The following ZNF469 variants were observed in gnomAD, a reference collection of about 807,000 sequenced individuals.
ZNF469 encodes zinc finger protein 469.
Under a neutral mutation model 1.0 loss-of-function variants are expected in ZNF469, and 1 was observed. The ratio of observed to expected loss-of-function variants is 1.00; its 90% CI spans 0.35 to 4.73. The LOEUF (loss-of-function observed/expected upper bound fraction) is 4.73. Among genes scored for constraint, ZNF469 ranks in the 30% most tolerant of loss-of-function variants. The pLI, the probability that ZNF469 is intolerant of heterozygous loss-of-function variation, is 0.16. For synonymous variants in ZNF469, 2,703 were observed against 2,363.4 expected (o/e 1.14, Z -4.17); for missense variants, 6,100 against 5,356.3 (o/e 1.14, Z -4.33).
At chr16:88,124,295 G>A in the ZNF469 span, among the ~76,000 whole-genome samples, 2 of 151,586 alleles carry the variant, frequency 1.3e-5, no homozygotes, top group Non-Finnish European at 2.9e-5. Flanking sequence ...GTGCAGTGGT[G>A]CAATCATGGC....
At chr16:88,216,584 G>A in the ZNF469 span, among the ~76,000 whole-genome samples, 1 of 151,866 alleles carries the variant, frequency 6.6e-6, no homozygotes, top group Non-Finnish European at 1.5e-5. Flanking sequence ...GTTGATTCTT[G>A]GAAGACACAG....
the ZNF469 span, among the ~76,000 whole-genome samples, chr16:88,306,021 G>A: frequency 5.9e-5 from 9 of 152,322 alleles, no homozygotes; most frequent in African/African-American, 2.2e-4. Flanking sequence ...CCATACACAT[G>A]TGGGTGTGAA....
the ZNF469 span, among the ~76,000 whole-genome samples, chr16:88,269,586 C>G: frequency 6.6e-6 from 1 of 152,210 alleles, no homozygotes; most frequent in Non-Finnish European, 1.5e-5. Flanking sequence ...CCCGCCTCCA[C>G]CTGGGCTGCC....
At chr16:88,218,690 C>T in the ZNF469 span, among the ~76,000 whole-genome samples, 18 of 151,238 alleles carry the variant, frequency 1.2e-4, no homozygotes, top group African/African-American at 4.4e-4. Flanking sequence ...TGGAAGCATT[C>T]CCTTTGAAAA....
At chr16:88,125,526 G>T in the ZNF469 span, among the ~76,000 whole-genome samples, 1 of 152,208 alleles carries the variant, frequency 6.6e-6, no homozygotes, top group Non-Finnish European at 1.5e-5. Context: ...ATTTGGGAAG[G>T]GTTGCCATCT....
Position 88,432,974 on chromosome 16 carries a change from C to T in ZNF469, c.5504C>T (p.Ser1835Phe), listed in dbSNP as rs1004969699. The T allele has an allele frequency of 1.9e-6, 3 of 1,550,298 alleles. No homozygotes were observed. In the African/African-American group the frequency reaches 4.1e-5, roughly 21 times the overall value. Residue 1835 changes from serine to phenylalanine, a missense_variant, in exon 3 of 3, where the codon TCT (serine) becomes TTT (phenylalanine). Transcript: ENST00000565624. ...CCCAGCCATGCTGCCCAGGGACATTCTGCAGGCAGAGCAGGTGGGCACCTC... is the reference window on the plus strand; with the variant it reads ...CCCAGCCATGCTGCCCAGGGACATTTTGCAGGCAGAGCAGGTGGGCACCTC... ...ASPSHAAQGHSAGRAGGHLHP... is the reference protein window; with the variant it reads ...ASPSHAAQGHFAGRAGGHLHP...
At chr16:88,223,907 C>T in the ZNF469 span, among the ~76,000 whole-genome samples, 399 of 152,344 alleles carry the variant, frequency 2.6e-3, 2 homozygotes, top group African/African-American at 8.4e-3. Context: ...CTCAGCACCG[C>T]GTCCCGCCCT....
chr16:88,364,137 C>T, the ZNF469 span, among the ~76,000 whole-genome samples: 605 of 152,202 alleles, frequency 4.0e-3, 2 homozygotes, highest in South Asian at 6.0e-3. Context: ...GCTAAGATTC[C>T]GAAATTGAGT....
the ZNF469 span, among the ~76,000 whole-genome samples, chr16:88,168,741 A>G: frequency 6.6e-6 from 1 of 152,218 alleles, no homozygotes; most frequent in African/African-American, 2.4e-5. This position sits in a 1 kb window ranked among gnomAD's most constrained non-coding sequence, Gnocchi z 4.3. Context: ...AGGATTAGCA[A>G]ACAGCACCGT....
At chr16:88,327,874 C>T in the ZNF469 span, among the ~76,000 whole-genome samples, 4 of 152,222 alleles carry the variant, frequency 2.6e-5, no homozygotes, top group African/African-American at 9.6e-5. Context: ...ACACACCCAC[C>T]GGAAACACAC....
the ZNF469 span, among the ~76,000 whole-genome samples, chr16:88,160,114 CA>C: frequency 1.3e-5 from 2 of 152,332 alleles, no homozygotes; most frequent in South Asian, 4.1e-4. Flanking sequence ...ATCAGTCCCA[CA>C]GAACCCACCG....
chr16:88,140,266 C>T, the ZNF469 span, among the ~76,000 whole-genome samples: 6 of 149,846 alleles, frequency 4.0e-5, no homozygotes, highest in South Asian at 2.1e-4. Flanking sequence ...GAAAAGTGGC[C>T]GGGGAAATAC....
chr16:88,263,854 G>T, the ZNF469 span, among the ~76,000 whole-genome samples: 1 of 152,044 alleles, frequency 6.6e-6, no homozygotes, highest in Non-Finnish European at 1.5e-5. Context: ...CTGATGCGCC[G>T]GGCAGAGGCC....
At chr16:88,261,002 G>T in the ZNF469 span, among the ~76,000 whole-genome samples, 1 of 152,286 alleles carries the variant, frequency 6.6e-6, no homozygotes, top group East Asian at 1.9e-4. This position sits in a 1 kb window ranked among gnomAD's most constrained non-coding sequence, Gnocchi z 6.0. Context: ...CGGCGGAGAG[G>T]ATCAAGTGAA....
In ZNF469 at chr16:88,440,473, C is replaced by T. The variant is rs1310126137; in HGVS notation, c.*1141C>T. ...GAAGGTGGGTCAAAGGGTGAGAGGGCTTCCTTCTCACCCTTCTCTCCATAA... is the reference window on the plus strand; with the variant it reads ...GAAGGTGGGTCAAAGGGTGAGAGGGTTTCCTTCTCACCCTTCTCTCCATAA... On this transcript the variant is annotated 3_prime_UTR_variant, in exon 3 of 3. Coordinates refer to ENST00000565624, the MANE Select transcript of ZNF469 (RefSeq NM_001367624.2). 6.6e-6 allele frequency: 1 copy of T among 152,082 alleles called. No individual in the cohort carries two copies. The highest frequency in any genetic ancestry group is 1.9e-4 in the East Asian group (1 of 5,166). 9.4% of individuals were successfully genotyped at this position (152,082 alleles called of 1,614,324 possible).
At chr16:88,305,237 C>T in the ZNF469 span, among the ~76,000 whole-genome samples, 42 of 151,298 alleles carry the variant, frequency 2.8e-4, 1 homozygote, top group South Asian at 4.4e-3. Context: ...TGCACACACA[C>T]GCTCACAGGC....
intron 1 of ZNF469, among the ~76,000 whole-genome samples, chr16:88,383,711 G>C (rs1325616249): frequency 6.6e-6 from 1 of 151,538 alleles, no homozygotes; most frequent in Non-Finnish European, 1.5e-5. Flanking sequence ...CCTCCTCCGG[G>C]CCGCCCGCCC....
the ZNF469 span, among the ~76,000 whole-genome samples, chr16:88,371,060 C>T: frequency 6.6e-6 from 1 of 152,236 alleles, no homozygotes; most frequent in African/African-American, 2.4e-5. Flanking sequence ...AGATATCAGC[C>T]AAGCTGGCCT....
chr16:88,306,506 A>G, the ZNF469 span, among the ~76,000 whole-genome samples: 1 of 152,226 alleles, frequency 6.6e-6, no homozygotes, highest in African/African-American at 2.4e-5. Flanking sequence ...TTGAGTGGGA[A>G]GCCCTCAGGA....
Sources: gnomAD v4.1 joint callset for allele counts (sites outside exome capture counted in the v4.1 genomes callset) on GRCh38, gnomAD v4.1.1 for gene constraint, Gnocchi (gnomAD v3.1) non-coding constraint, MANE v1.5 for transcripts, NCBI Gene and HGNC (gene_info 2026-07-23, HGNC 2026-07-21) for gene names.